Variants in CATSPERE observed in about 807,000 individuals in gnomAD.
CATSPERE encodes catsper channel auxiliary subunit epsilon, also known as cation channel sperm-associated auxiliary subunit epsilon.
In CATSPERE, 93 loss-of-function variants were observed where a neutral mutation model predicts 114.1. The observed-to-expected ratio is 0.81, with a 90% confidence interval of 0.69 to 0.97. The LOEUF is 0.97. Ranked by LOEUF, CATSPERE falls within the 50% of genes least tolerant of loss-of-function variation. CATSPERE has a pLI of 0.00. For missense variants in CATSPERE, 1,058 were observed against 1,131.6 expected, an observed-to-expected ratio of 0.93 and a Z score of 0.93; for synonymous variants, 341 against 384.1, an observed-to-expected ratio of 0.89 and a Z score of 1.31.
chr1:244,490,518 T>C (rs376062726), intron 6 of CATSPERE, 47 bp downstream of exon 6: 5 of 1,107,860 alleles, frequency 4.5e-6, no homozygotes, highest in Non-Finnish European at 6.7e-6. Flanking sequence ...ATCACTAGTA[T>C]ATTGTTTCTC....
At chr1:244,536,346 T>A (rs1680383301) in intron 8 of CATSPERE, among the ~76,000 whole-genome samples, 1 of 152,058 alleles carries the variant, frequency 6.6e-6, no homozygotes, top group African/African-American at 2.4e-5. Flanking sequence ...GGAGTTGCAG[T>A]CTCTGTGGCC....
intron 1 of CATSPERE, among the ~76,000 whole-genome samples, chr1:244,462,428 AG>A (rs1666967234): frequency 6.6e-6 from 1 of 152,228 alleles, no homozygotes; most frequent in South Asian, 2.1e-4. Flanking sequence ...GCCTATCCTT[AG>A]CCCCAGTAGG....
At chr1:244,460,732 G>A (rs1015963694), upstream of CATSPERE, among the ~76,000 whole-genome samples, 12 of 152,168 alleles carry the variant, frequency 7.9e-5, no homozygotes, top group African/African-American at 2.9e-4. Flanking sequence ...TGGGCAAGAT[G>A]GTGAAACCCC....
intron 19 of CATSPERE, among the ~76,000 whole-genome samples, chr1:244,611,108 A>G (rs1670670653): frequency 6.6e-6 from 1 of 152,126 alleles, no homozygotes; most frequent in South Asian, 2.1e-4. Context: ...ACTATGACAC[A>G]TTACATAGCC....
At chr1:244,523,933 A>G (rs1283270002) in intron 8 of CATSPERE, among the ~76,000 whole-genome samples, 4 of 146,670 alleles carry the variant, frequency 2.7e-5, no homozygotes, top group Middle Eastern at 3.4e-3. Context: ...TACAGATTCA[A>G]TGCCATCCCC....
intron 9 of CATSPERE, among the ~76,000 whole-genome samples, chr1:244,557,498 A>T (rs1661757471): frequency 7.7e-6 from 1 of 129,636 alleles, no homozygotes; most frequent in South Asian, 2.4e-4. Flanking sequence ...ATATTTATTT[A>T]TATATATGTA....
intron 7 of CATSPERE, among the ~76,000 whole-genome samples, chr1:244,503,173 A>G (rs1312154441): frequency 6.6e-6 from 1 of 152,146 alleles, no homozygotes; most frequent in Non-Finnish European, 1.5e-5. Flanking sequence ...TTGAATAAGT[A>G]AGTAATCCAT....
At chr1:244,533,119 T>C (rs1679862677) in intron 8 of CATSPERE, among the ~76,000 whole-genome samples, 1 of 151,844 alleles carries the variant, frequency 6.6e-6, no homozygotes, top group Admixed American at 6.6e-5. Context: ...ACCTTATTTG[T>C]CTCTTTTTGT....
At position 244,627,524 on chromosome 1, in the gene CATSPERE, G is replaced by A. The variant is rs112185692; in HGVS notation, c.2649-7965G>A. Among the ~76,000 whole-genome samples, 63 of 152,186 alleles carry A rather than the reference G, an allele frequency of 4.1e-4. 2 individuals are homozygous for A. Among genetic ancestry groups the A allele is most frequent in the African/African-American group, 1.5e-3 (62 of 41,534 alleles). On this transcript the variant is annotated intron_variant, in intron 20 of 21. Coordinates refer to ENST00000366534, the MANE Select transcript of CATSPERE (RefSeq NM_001130957.2). ...CAGAAGGTCAAGGCTGCAGTGAGCT[G>A]TGACTGTGCCACTGCCCTCTAGCCT...
At chr1:244,556,067 C>A (rs902379332) in intron 9 of CATSPERE, among the ~76,000 whole-genome samples, 5 of 152,034 alleles carry the variant, frequency 3.3e-5, no homozygotes, top group Non-Finnish European at 1.5e-5. Context: ...GTGAGGTGGC[C>A]TACACCTGTA....
At chr1:244,612,125 G>T (rs1055456006) in intron 19 of CATSPERE, among the ~76,000 whole-genome samples, 1 of 152,166 alleles carries the variant, frequency 6.6e-6, no homozygotes, top group Non-Finnish European at 1.5e-5. Context: ...TACTACATGA[G>T]AAGCTTAAAG....
intron 21 of CATSPERE, among the ~76,000 whole-genome samples, chr1:244,638,156 A>C (rs1297807151): frequency 1.3e-5 from 2 of 152,174 alleles, no homozygotes; most frequent in Admixed American, 6.5e-5. Context: ...AAAACTTCTC[A>C]AAAGTATTGT....
chr1:244,626,632 C>T (rs918434628), intron 20 of CATSPERE, among the ~76,000 whole-genome samples: 1 of 152,180 alleles, frequency 6.6e-6, no homozygotes, highest in Non-Finnish European at 1.5e-5. Flanking sequence ...TGCAGCTTCT[C>T]CATCAGCACT....
At chr1:244,591,460 A>T (rs1375805115) in intron 14 of CATSPERE, among the ~76,000 whole-genome samples, 2 of 152,224 alleles carry the variant, frequency 1.3e-5, no homozygotes, top group Non-Finnish European at 2.9e-5. Context: ...TATAAGAGAT[A>T]AATCAGTAGA....
chr1:244,522,848 T>G (rs1332934116), intron 8 of CATSPERE, among the ~76,000 whole-genome samples: 1 of 152,068 alleles, frequency 6.6e-6, no homozygotes, highest in Non-Finnish European at 1.5e-5. Context: ...AATAAGTAGC[T>G]TACCAACCAA....
chr1:244,470,744 C>A (rs1270596917), intron 2 of CATSPERE, among the ~76,000 whole-genome samples: 1 of 151,994 alleles, frequency 6.6e-6, no homozygotes, highest in Non-Finnish European at 1.5e-5. Flanking sequence ...CATAATAGCC[C>A]CCAAGTGCAA....
At chr1:244,578,823 C>CATATATATAT (rs10695652) in intron 11 of CATSPERE, among the ~76,000 whole-genome samples, 14,343 of 132,512 alleles carry the variant, frequency 0.11, 868 homozygotes, top group South Asian at 0.14. Flanking sequence ...GGTGCATATA[C>CATATATATAT]ATATATATAT....
rs113405123 is a variant in CATSPERE at position 244,633,935 on chromosome 1, G to A, written c.2649-1554G>A. On this transcript the variant is annotated intron_variant, in intron 20 of 21. Transcript: ENST00000366534. The surrounding 1 kb of genome is among the most constrained non-coding windows in gnomAD (Gnocchi z 4.1). ...GCTGGAGTGCAGTGGTGCGATCTCCGCTCACTGCAACCTACGCCTCCCGGT... is the reference window on the plus strand; with the variant it reads ...GCTGGAGTGCAGTGGTGCGATCTCCACTCACTGCAACCTACGCCTCCCGGT... Among the ~76,000 whole-genome samples, 6,748 of 149,190 alleles carry A rather than the reference G, an allele frequency of 0.045. 260 individuals are homozygous for A. The highest frequency in any genetic ancestry group is 0.062 in the Non-Finnish European group (4,228 of 67,660).
intron 8 of CATSPERE, among the ~76,000 whole-genome samples, chr1:244,535,600 G>A (rs367879019): frequency 6.6e-6 from 1 of 152,140 alleles, no homozygotes; most frequent in East Asian, 1.9e-4. Context: ...AGGACCAAAG[G>A]CTTTTTAGTC....
Sources: allele counts gnomAD v4.1 joint callset (sites outside exome capture counted in the v4.1 genomes callset), GRCh38; gene constraint gnomAD v4.1.1; non-coding constraint Gnocchi (gnomAD v3.1); transcripts MANE v1.5; gene names NCBI Gene and HGNC (gene_info 2026-07-23, HGNC 2026-07-21).